TRPM3: variants seen among roughly 807,000 people sequenced by gnomAD.
TRPM3 encodes transient receptor potential cation channel subfamily M member 3.
In TRPM3, 77 loss-of-function variants were observed where a neutral mutation model predicts 181.2. That is an observed-to-expected ratio of 0.42 (90% CI 0.35 to 0.51). TRPM3 has a LOEUF of 0.51. TRPM3 is among the 20% of genes least tolerant of loss of function. TRPM3 has a pLI of 0.01. For synonymous variants in TRPM3, 745 were observed against 796.4 expected (o/e 0.94, Z 1.09); for missense variants, 1,759 against 2,196.7 (o/e 0.80, Z 3.98).
chr9:71,423,098 C>G (rs1400166410), intron 1 of TRPM3, among the ~76,000 whole-genome samples: 1 of 152,052 alleles, frequency 6.6e-6, no homozygotes, highest in Non-Finnish European at 1.5e-5. Context: ...CAGTCTATCA[C>G]TGGTTGCTCA....
rs184642095 is a variant in TRPM3 at position 70,661,553 on chromosome 9, C to T, written c.1345+19953G>A. 5.5e-3 allele frequency among the ~76,000 whole-genome samples: 831 copies of T among 151,980 alleles called. 8 individuals carry two copies. Among genetic ancestry groups the T allele is most frequent in the Non-Finnish European group, 8.8e-3 (598 of 67,946 alleles). On this transcript the variant is annotated intron_variant, in intron 9 of 25. Coordinates refer to ENST00000677713, the MANE Select transcript of TRPM3 (RefSeq NM_001366145.2). ...AGCTAGAAAACCCTAAAGACTCATCCAAAAAGCTCCTAGATCCAATAAACA... is the reference window on the plus strand; with the variant it reads ...AGCTAGAAAACCCTAAAGACTCATCTAAAAAGCTCCTAGATCCAATAAACA...
intron 22 of TRPM3, 67 bp from the exon 23 acceptor site, chr9:70,553,377 T>C (rs2046901646): frequency 6.4e-7 from 1 of 1,573,784 alleles, no homozygotes; most frequent in South Asian, 1.1e-5. Context: ...AATAAAAAGA[T>C]GGATTTGTAG....
upstream of TRPM3, among the ~76,000 whole-genome samples, chr9:71,124,151 G>T (rs2073891242): frequency 6.6e-6 from 1 of 152,040 alleles, no homozygotes; most frequent in South Asian, 2.1e-4. Flanking sequence ...TGCATGAGAG[G>T]CAGTTTTTCT....
intron 1 of TRPM3, among the ~76,000 whole-genome samples, chr9:70,981,923 TAGG>T (rs1166363082): frequency 6.6e-6 from 1 of 152,196 alleles, no homozygotes; most frequent in African/African-American, 2.4e-5. Flanking sequence ...ACAGTGTTCT[TAGG>T]AGGTTTATAA....
At chr9:70,856,619 C>T (rs2095395764) in intron 3 of TRPM3, among the ~76,000 whole-genome samples, 1 of 152,156 alleles carries the variant, frequency 6.6e-6, no homozygotes, top group Non-Finnish European at 1.5e-5. Context: ...TCCCCACATT[C>T]CCTTTCACCT....
intron 1 of TRPM3, among the ~76,000 whole-genome samples, chr9:71,035,944 A>G (rs2058131735): frequency 6.7e-6 from 1 of 150,260 alleles, no homozygotes; most frequent in Non-Finnish European, 1.5e-5. Context: ...AATTTACTGT[A>G]CACCATATGA....
intron 1 of TRPM3, among the ~76,000 whole-genome samples, chr9:70,950,232 C>A (rs1186601836): frequency 6.6e-6 from 1 of 152,142 alleles, no homozygotes; most frequent in East Asian, 1.9e-4. Context: ...GGTAATACCA[C>A]AACAGAGTTG....
intron 1 of TRPM3, among the ~76,000 whole-genome samples, chr9:70,980,023 C>A (rs1308830953): frequency 6.9e-6 from 1 of 145,882 alleles, no homozygotes; most frequent in Non-Finnish European, 1.5e-5. Flanking sequence ...TGGATTTTGG[C>A]AGGACCCAAT....
intron 1 of TRPM3, among the ~76,000 whole-genome samples, chr9:71,130,447 T>C (rs2074301492): frequency 6.6e-6 from 1 of 152,300 alleles, no homozygotes; most frequent in Admixed American, 6.5e-5. Flanking sequence ...CAAAGGTATC[T>C]CTGTAACCAT....
intron 9 of TRPM3, among the ~76,000 whole-genome samples, chr9:70,656,098 C>G (rs530606871): frequency 1.3e-5 from 2 of 152,170 alleles, no homozygotes; most frequent in African/African-American, 4.8e-5. Flanking sequence ...AATAAATAAC[C>G]TAGCTTTAAA....
At chr9:70,843,952 C>T (rs6560160) in intron 4 of TRPM3, among the ~76,000 whole-genome samples, 86,292 of 152,062 alleles carry the variant, frequency 0.57, 24,851 homozygotes, top group Non-Finnish European at 0.58. Context: ...CCTAGTGCCA[C>T]TTCCTATATG....
chr9:70,659,193 T>C (rs2060776740), intron 9 of TRPM3, among the ~76,000 whole-genome samples: 1 of 152,154 alleles, frequency 6.6e-6, no homozygotes, highest in Non-Finnish European at 1.5e-5. Flanking sequence ...TTGACTGGAA[T>C]GGTGTGCTTT....
intron 1 of TRPM3, among the ~76,000 whole-genome samples, chr9:71,029,805 T>C (rs2057059944): frequency 6.6e-6 from 1 of 152,156 alleles, no homozygotes; most frequent in South Asian, 2.1e-4. Flanking sequence ...TAGATATTAA[T>C]AACAAATAAA....
At chr9:71,077,546 A>T (rs2063638460) in intron 1 of TRPM3, among the ~76,000 whole-genome samples, 1 of 152,276 alleles carries the variant, frequency 6.6e-6, no homozygotes, top group South Asian at 2.1e-4. Context: ...AATTGTACAT[A>T]AATGCTATAG....
chr9:71,214,609 C>T (rs966011384), intron 1 of TRPM3, among the ~76,000 whole-genome samples: 16 of 152,086 alleles, frequency 1.1e-4, no homozygotes, highest in African/African-American at 3.4e-4. Flanking sequence ...TGTCACTTCC[C>T]TTTTAAATCT....
intron 9 of TRPM3, among the ~76,000 whole-genome samples, chr9:70,656,464 T>G (rs570964356): frequency 6.6e-6 from 1 of 152,362 alleles, no homozygotes; most frequent in Non-Finnish European, 1.5e-5. Flanking sequence ...TATAACTTCC[T>G]TCCAAAGTTG....
intron 9 of TRPM3, among the ~76,000 whole-genome samples, chr9:70,670,808 A>C (rs2062763178): frequency 6.6e-6 from 1 of 152,192 alleles, no homozygotes; most frequent in South Asian, 2.1e-4. Flanking sequence ...AAGAGCTAGC[A>C]ATAACCATGT....
At chr9:71,045,719 A>T (rs1002563169) in intron 1 of TRPM3, among the ~76,000 whole-genome samples, 1 of 152,200 alleles carries the variant, frequency 6.6e-6, no homozygotes, top group African/African-American at 2.4e-5. Context: ...ATTTGTTTTC[A>T]AATTGTGAAG....
chr9:71,318,878 C>G (rs2088911466), intron 1 of TRPM3, among the ~76,000 whole-genome samples: 1 of 152,038 alleles, frequency 6.6e-6, no homozygotes. Flanking sequence ...TTGCATTGCC[C>G]CCTAAACTTT....
Sources: allele counts gnomAD v4.1 joint callset (sites outside exome capture counted in the v4.1 genomes callset), GRCh38; gene constraint gnomAD v4.1.1; transcripts MANE v1.5; gene names NCBI Gene and HGNC (gene_info 2026-07-23, HGNC 2026-07-21).